Variants in TENM2 observed in about 807,000 individuals in gnomAD.
TENM2 encodes teneurin-2.
Under a neutral mutation model 245.2 loss-of-function variants are expected in TENM2, and 52 were observed. The observed-to-expected ratio is 0.21, with a 90% confidence interval of 0.17 to 0.27. The LOEUF (loss-of-function observed/expected upper bound fraction) is 0.27. Ranked by LOEUF, TENM2 falls within the 10% of genes least tolerant of loss-of-function variation. The probability of loss-of-function intolerance (pLI) is 1.00; values close to 1 mark genes in which losing one functional copy is unlikely to be tolerated. For missense variants in TENM2, 3,046 were observed against 3,666.8 expected, an observed-to-expected ratio of 0.83 and a Z score of 4.37; for synonymous variants, 1,363 against 1,438.9, an observed-to-expected ratio of 0.95 and a Z score of 1.19.
intron 1 of TENM2, among the ~76,000 whole-genome samples, chr5:167,304,913 G>T (rs973700304): frequency 2.0e-5 from 3 of 152,132 alleles, no homozygotes; most frequent in African/African-American, 7.2e-5. Flanking sequence ...GAAAGACAGT[G>T]CCTCACTCAT....
At chr5:167,883,131 T>C (rs774188249) in intron 3 of TENM2, among the ~76,000 whole-genome samples, 12 of 152,142 alleles carry the variant, frequency 7.9e-5, no homozygotes, top group Non-Finnish European at 1.6e-4. Context: ...CTATAACACT[T>C]GGCTGAAAAT....
chr5:168,109,339 T>C (rs905803865), intron 9 of TENM2, among the ~76,000 whole-genome samples: 1 of 152,228 alleles, frequency 6.6e-6, no homozygotes, highest in Non-Finnish European at 1.5e-5. Flanking sequence ...CACCGCCTAT[T>C]GAAGATCAAC....
chr5:168,156,247 T>TAAAAAAAAAAAAA (rs58825054), intron 12 of TENM2, among the ~76,000 whole-genome samples: 3 of 80,798 alleles, frequency 3.7e-5, no homozygotes, highest in African/African-American at 1.7e-4. Context: ...TCCCCATAGT[T>TAAAAAAAAAAAAA]AAAAAAAAAA....
chr5:167,579,707 C>G (rs1159552904), intron 2 of TENM2, among the ~76,000 whole-genome samples: 1 of 152,178 alleles, frequency 6.6e-6, no homozygotes, highest in Non-Finnish European at 1.5e-5. Flanking sequence ...TTTCTCTGTA[C>G]CTCCCTTTTC....
chr5:167,572,503 G>A (rs571610143), intron 2 of TENM2, among the ~76,000 whole-genome samples: 1 of 152,160 alleles, frequency 6.6e-6, no homozygotes, highest in Non-Finnish European at 1.5e-5. Flanking sequence ...AAAAGCTTGG[G>A]CATCTCCTCT....
At chr5:167,322,024 G>T (rs957137595) in intron 1 of TENM2, among the ~76,000 whole-genome samples, 6 of 151,734 alleles carry the variant, frequency 4.0e-5, no homozygotes, top group Admixed American at 2.6e-4. Flanking sequence ...TAGACACAGG[G>T]TTTCACCTTG....
At chr5:168,086,229 C>T (rs1792445661) in intron 7 of TENM2, among the ~76,000 whole-genome samples, 1 of 152,200 alleles carries the variant, frequency 6.6e-6, no homozygotes, top group Non-Finnish European at 1.5e-5. Context: ...ACGGTCTAGG[C>T]TCTGCTGCTC....
chr5:167,669,748 C>G (rs529421761), intron 2 of TENM2, among the ~76,000 whole-genome samples: 1 of 152,016 alleles, frequency 6.6e-6, no homozygotes, highest in Non-Finnish European at 1.5e-5. Context: ...GAGGGAGTGC[C>G]TGTAATTAAG....
rs1180240556 is a variant in TENM2 at position 167,998,968 on chromosome 5, C to T, written c.1186+5786C>T. On this transcript the variant is annotated intron_variant, in intron 5 of 28. Transcript: ENST00000518659. ...TTGAAAATTGATATGTTGAGACTCA[C>T]GCTGATGAATCTTGCGTTCTCTGCT... is the stretch of plus-strand genomic sequence containing the variant. Among the ~76,000 whole-genome samples the T allele has an allele frequency of 1.3e-5, 2 of 152,186 alleles. 1 individual carries two copies. The highest frequency in any genetic ancestry group is 4.1e-4 in the South Asian group (2 of 4,836).
chr5:167,840,269 G>A (rs1033007981), intron 2 of TENM2, among the ~76,000 whole-genome samples: 56 of 152,328 alleles, frequency 3.7e-4, no homozygotes, highest in African/African-American at 1.3e-3. Context: ...CAAAAAAGCA[G>A]AGCTTGGCCC....
At chr5:167,701,755 G>T (rs1561686167) in intron 2 of TENM2, among the ~76,000 whole-genome samples, 1 of 152,246 alleles carries the variant, frequency 6.6e-6, no homozygotes, top group East Asian at 1.9e-4. Context: ...TTACTGTATT[G>T]TATTATTCTC....
At chr5:167,132,384 C>T in the TENM2 span, among the ~76,000 whole-genome samples, 25 of 152,202 alleles carry the variant, frequency 1.6e-4, no homozygotes, top group Middle Eastern at 3.4e-3. Flanking sequence ...TAGAGAAACA[C>T]GGTGGCATTT....
At chr5:167,508,986 T>C (rs1372954966) in intron 2 of TENM2, among the ~76,000 whole-genome samples, 1 of 152,028 alleles carries the variant, frequency 6.6e-6, no homozygotes, top group Admixed American at 6.6e-5. Flanking sequence ...GCCCGGCTAA[T>C]TTTGTATTTT....
intron 2 of TENM2, among the ~76,000 whole-genome samples, chr5:167,774,361 A>G (rs1763616210): frequency 6.6e-6 from 1 of 152,176 alleles, no homozygotes; most frequent in Non-Finnish European, 1.5e-5. Flanking sequence ...GCTCAAGATC[A>G]CAGTTAACAC....
intron 6 of TENM2, among the ~76,000 whole-genome samples, chr5:168,054,015 A>C (rs188617907): frequency 6.6e-6 from 1 of 152,386 alleles, no homozygotes; most frequent in East Asian, 1.9e-4. Flanking sequence ...GCTACTATCA[A>C]TAATAGTAAA....
At chr5:167,565,210 G>T (rs562997151) in intron 2 of TENM2, among the ~76,000 whole-genome samples, 1 of 152,318 alleles carries the variant, frequency 6.6e-6, no homozygotes, top group South Asian at 2.1e-4. Context: ...GATTGGTGAT[G>T]GTCTTATTAT....
intron 2 of TENM2, among the ~76,000 whole-genome samples, chr5:167,616,034 A>G (rs961573312): frequency 6.6e-5 from 10 of 152,184 alleles, no homozygotes; most frequent in Non-Finnish European, 5.9e-5. Flanking sequence ...AATTCCATCA[A>G]TGCTGTTTGT....
At position 167,847,781 on chromosome 5, in the gene TENM2, G is replaced by A. The variant is rs370809009; in HGVS notation, c.503-28205G>A. ...TTCATTAGAACTTTGACTTCTATTCGTGGTTTATTTGGGCCAAACATATTA... is the reference window on the plus strand; with the variant it reads ...TTCATTAGAACTTTGACTTCTATTCATGGTTTATTTGGGCCAAACATATTA... On this transcript the variant is annotated intron_variant, in intron 2 of 28. Coordinates refer to ENST00000518659, the Ensembl canonical transcript of TENM2. 4.1e-4 allele frequency among the ~76,000 whole-genome samples: 63 copies of A among 152,284 alleles called. 1 individual carries two copies. The highest frequency in any genetic ancestry group is 1.2e-3 in the African/African-American group (49 of 41,542).
At chr5:168,037,925 G>A (rs1787853932) in intron 5 of TENM2, among the ~76,000 whole-genome samples, 2 of 152,328 alleles carry the variant, frequency 1.3e-5, no homozygotes, top group African/African-American at 4.8e-5. Context: ...CCATTCTAAT[G>A]TGACACAGAA....
Sources: allele counts gnomAD v4.1 joint callset (sites outside exome capture counted in the v4.1 genomes callset), GRCh38; gene constraint gnomAD v4.1.1; transcripts MANE v1.5; gene names NCBI Gene and HGNC (gene_info 2026-07-23, HGNC 2026-07-21).